STIM1: variants seen among roughly 807,000 people sequenced by gnomAD.
STIM1 encodes stromal interaction molecule 1.
STIM1 carries 25 observed loss-of-function variants against 74.7 expected under a neutral mutation model. The ratio of observed to expected loss-of-function variants is 0.33; its 90% CI spans 0.24 to 0.47. STIM1 has a LOEUF of 0.47. Among genes scored for constraint, STIM1 ranks in the 20% least tolerant of loss-of-function variants. The probability of loss-of-function intolerance (pLI) is 1.00; values close to 1 mark genes in which losing one functional copy is unlikely to be tolerated. For missense variants in STIM1, 728 were observed against 920.8 expected (o/e 0.79, Z 2.71); for synonymous variants, 328 against 348.8 (o/e 0.94, Z 0.66).
At chr11:3,871,905 A>G (rs2091110099) in intron 1 of STIM1, among the ~76,000 whole-genome samples, 1 of 152,248 alleles carries the variant, frequency 6.6e-6, no homozygotes, top group Non-Finnish European at 1.5e-5. Flanking sequence ...ATTTATTCAT[A>G]CACAAATTTG....
At chr11:3,888,406 A>C (rs996391946) in intron 1 of STIM1, among the ~76,000 whole-genome samples, 4 of 152,198 alleles carry the variant, frequency 2.6e-5, no homozygotes, top group African/African-American at 7.2e-5. Context: ...AACAAGCAGC[A>C]CTGAAAGGAA....
chr11:3,991,596 T>G (rs1342574386), intron 2 of STIM1, among the ~76,000 whole-genome samples: 1 of 152,062 alleles, frequency 6.6e-6, no homozygotes, highest in Non-Finnish European at 1.5e-5. Flanking sequence ...TGGGTATGTA[T>G]ACAGTAATGG....
At chr11:3,993,578 C>A (rs2093634550) in intron 2 of STIM1, among the ~76,000 whole-genome samples, 1 of 152,170 alleles carries the variant, frequency 6.6e-6, no homozygotes, top group Non-Finnish European at 1.5e-5. Flanking sequence ...AATGCTTGAA[C>A]CCAGGAGGTG....
At chr11:4,052,726 A>G (rs187812773) in intron 3 of STIM1, among the ~76,000 whole-genome samples, 1 of 152,370 alleles carries the variant, frequency 6.6e-6, no homozygotes, top group South Asian at 2.1e-4. Flanking sequence ...ACAAAAGCCA[A>G]AATGGACAAA....
At chr11:3,925,519 C>T (rs1268924156) in intron 1 of STIM1, among the ~76,000 whole-genome samples, 1 of 152,140 alleles carries the variant, frequency 6.6e-6, no homozygotes, top group African/African-American at 2.4e-5. Flanking sequence ...CATTATTAAG[C>T]AGGACATGTA....
intron 1 of STIM1, among the ~76,000 whole-genome samples, chr11:3,883,637 G>A (rs1214680837): frequency 1.3e-5 from 2 of 152,370 alleles, no homozygotes; most frequent in East Asian, 3.9e-4. Flanking sequence ...ACAGGCATGA[G>A]GCACCACACC....
chr11:4,043,892 G>A (rs1421160672), intron 3 of STIM1, among the ~76,000 whole-genome samples: 1 of 152,130 alleles, frequency 6.6e-6, no homozygotes, highest in Non-Finnish European at 1.5e-5. Context: ...GCACGTGCCT[G>A]TAATCCCAGC....
chr11:4,076,625 G>A (rs1246288580), intron 7 of STIM1, among the ~76,000 whole-genome samples: 1 of 150,928 alleles, frequency 6.6e-6, no homozygotes, highest in African/African-American at 2.4e-5. Context: ...TCACATTTAG[G>A]GATATTATTT....
chr11:3,967,528 T>C (rs767521671), intron 1 of STIM1, 24 bp from the exon 2 acceptor site: 1 of 1,614,004 alleles, frequency 6.2e-7, no homozygotes, highest in East Asian at 2.2e-5. Flanking sequence ...CTGAGTAATT[T>C]TGTCTCTTGC....
chr11:4,056,326 G>T (rs921818141), intron 4 of STIM1, among the ~76,000 whole-genome samples: 2 of 152,196 alleles, frequency 1.3e-5, no homozygotes, highest in African/African-American at 2.4e-5. Context: ...AGTGGGAAGG[G>T]GATGGAGTAC....
At chr11:3,957,729 AT>A (rs1185032610) in intron 1 of STIM1, among the ~76,000 whole-genome samples, 8 of 151,252 alleles carry the variant, frequency 5.3e-5, no homozygotes, top group South Asian at 4.2e-4. Context: ...CTAATTAAAA[AT>A]TTTTTTTTCT....
intron 2 of STIM1, chr11:4,019,192 A>G (rs896437433): frequency 6.6e-6 from 1 of 152,256 alleles, no homozygotes; most frequent in African/African-American, 2.4e-5. Flanking sequence ...TACATAAAAT[A>G]AAAATGAAGA....
intron 2 of STIM1, among the ~76,000 whole-genome samples, chr11:3,982,045 G>A (rs1050376466): frequency 4.1e-5 from 6 of 147,976 alleles, no homozygotes; most frequent in Admixed American, 1.4e-4. Flanking sequence ...TTTTTGTTTT[G>A]AAATAGAGTC....
chr11:3,868,513 G>T (rs776474029), intron 1 of STIM1, among the ~76,000 whole-genome samples: 1 of 152,140 alleles, frequency 6.6e-6, no homozygotes, highest in African/African-American at 2.4e-5. Flanking sequence ...GGGGTGGCGG[G>T]GAAGAAACAG....
rs886190640 is a variant in STIM1, at chr11:4,087,597, G to A, written c.1634+1054G>A. 2.0e-5 allele frequency among the ~76,000 whole-genome samples: 3 copies of A among 152,154 alleles called. 1 individual carries two copies. Among genetic ancestry groups the A allele is most frequent in the Non-Finnish European group, 4.4e-5 (3 of 68,008 alleles). On this transcript the variant is annotated intron_variant, in intron 12 of 12. Coordinates refer to ENST00000526596, the MANE Select transcript of STIM1 (RefSeq NM_001382567.1). ...TGGCCTCTACCCGTTAGGAGATGGAGAACTACAAAAGGGTTTCTAAGAGAA... is the reference window on the plus strand; with the variant it reads ...TGGCCTCTACCCGTTAGGAGATGGAAAACTACAAAAGGGTTTCTAAGAGAA...
In STIM1 at chr11:3,967,347, T is replaced by C. The variant is rs566675010; in HGVS notation, c.140-205T>C. Among the ~76,000 whole-genome samples, 4 of 152,318 alleles carry C rather than the reference T, an allele frequency of 2.6e-5. No homozygotes were observed. The South Asian group carries it at 8.3e-4, about 32-fold the overall frequency. On this transcript the variant is annotated intron_variant, in intron 1 of 12. Coordinates refer to ENST00000526596, the MANE Select transcript of STIM1 (RefSeq NM_001382567.1). Reference sequence around the variant, plus strand: ...CCCTGCCAAGAAACTATTAGGGTGATAAAGCATTGTCCTTGTGGGGGAGCT... The same window carrying C: ...CCCTGCCAAGAAACTATTAGGGTGACAAAGCATTGTCCTTGTGGGGGAGCT...
intron 1 of STIM1, among the ~76,000 whole-genome samples, chr11:3,933,146 A>C (rs923666230): frequency 9.2e-5 from 14 of 152,334 alleles, no homozygotes; most frequent in South Asian, 4.1e-4. Context: ...TACTGCTTAT[A>C]GACAAAAGTC....
At chr11:3,860,911 A>G (rs998269863) in intron 1 of STIM1, among the ~76,000 whole-genome samples, 11 of 152,230 alleles carry the variant, frequency 7.2e-5, no homozygotes, top group African/African-American at 1.4e-4. Context: ...TAAATACAAC[A>G]TAATGTACAG....
At chr11:3,960,062 T>C (rs1036314902) in intron 1 of STIM1, among the ~76,000 whole-genome samples, 5 of 152,244 alleles carry the variant, frequency 3.3e-5, no homozygotes, top group Non-Finnish European at 5.9e-5. Flanking sequence ...TGTGATGAAA[T>C]ATAAGTATGC....
Sources: gnomAD v4.1 joint callset for allele counts (sites outside exome capture counted in the v4.1 genomes callset) on GRCh38, gnomAD v4.1.1 for gene constraint, MANE v1.5 for transcripts, NCBI Gene and HGNC (gene_info 2026-07-23, HGNC 2026-07-21) for gene names.